Variants in CARS1 observed in about 807,000 individuals in gnomAD.
CARS1 encodes the protein cysteine--tRNA ligase, cytoplasmic.
CARS1 carries 48 observed loss-of-function variants against 106.2 expected under a neutral mutation model. The observed-to-expected ratio is 0.45, with a 90% confidence interval of 0.36 to 0.57. CARS1 has a LOEUF of 0.57. Among genes scored for constraint, CARS1 ranks in the 20% least tolerant of loss-of-function variants. The pLI is 0.00. For missense variants in CARS1, 968 were observed against 1,057.2 expected, an observed-to-expected ratio of 0.92 and a Z score of 1.17; for synonymous variants, 409 against 403.4, an observed-to-expected ratio of 1.01 and a Z score of -0.17.
chr11:3,047,701 T>C, intron 2 of CARS1, 52 bp downstream of exon 2: 6 of 1,560,440 alleles, frequency 3.8e-6, no homozygotes, highest in Non-Finnish European at 5.2e-6. Context: ...GAGAAAGCCC[T>C]TGACCTTGGG....
rs1855117644 is a variant in CARS1 at position 3,046,657 on chromosome 11, C to G, written c.274+1096G>C. Reference sequence around the variant, plus strand: ...GGGGGGGCATGTTCCCAATCCCAGGCCCCAACGGAGTCTGGAGAAGCCCCC... The same window carrying G: ...GGGGGGGCATGTTCCCAATCCCAGGGCCCAACGGAGTCTGGAGAAGCCCCC... On this transcript the variant is annotated intron_variant, in intron 2 of 22. Coordinates refer to ENST00000380525, the MANE Select transcript of CARS1 (RefSeq NM_001014437.3). This position sits in a 1 kb window ranked among gnomAD's most constrained non-coding sequence, Gnocchi z 5.8. 6.6e-6 allele frequency among the ~76,000 whole-genome samples: 1 copy of G among 152,166 alleles called. No individual in the cohort carries two copies. Among genetic ancestry groups the G allele is most frequent in the South Asian group, 2.1e-4 (1 of 4,828 alleles).
chr11:3,030,211 G>A lies in CARS1; in HGVS notation c.802-768C>T, dbSNP rs1236831401. 1 of 152,398 alleles carries A rather than the reference G, an allele frequency of 6.6e-6. No individual in the cohort carries two copies. Among genetic ancestry groups the A allele is most frequent in the Non-Finnish European group, 1.5e-5 (1 of 68,248 alleles). 9.4% of individuals were successfully genotyped at this position (152,398 alleles called of 1,614,324 possible). A position where few individuals can be genotyped will look rare whatever the true frequency, so the allele number is the denominator to read the frequency against. On this transcript the variant is annotated intron_variant, in intron 7 of 22. Transcript: ENST00000380525. This position sits in a 1 kb window ranked among gnomAD's most constrained non-coding sequence, Gnocchi z 5.7. Reference sequence around the variant, plus strand: ...GGGGAGGCAAAGAACCAAGGCTGGAGAGAAAAAGTGTAGGAAAATGGCCTG... The same window carrying A: ...GGGGAGGCAAAGAACCAAGGCTGGAAAGAAAAAGTGTAGGAAAATGGCCTG...
chr11:3,034,078 G>A lies in CARS1; in HGVS notation c.801+3972C>T, dbSNP rs977180791. Among the ~76,000 whole-genome samples, 8 of 152,124 alleles carry A rather than the reference G, an allele frequency of 5.3e-5. No homozygotes were observed. The highest frequency in any genetic ancestry group is 2.1e-4 in the South Asian group (1 of 4,826). ...ATTACAGGAACGAGCCACTGCACCT[G>A]GTCTGGGCTGGACAATTTGACCAAC... On this transcript the variant is annotated intron_variant, in intron 7 of 22. Transcript: ENST00000380525. The surrounding 1 kb of genome is among the most constrained non-coding windows in gnomAD (Gnocchi z 6.3).
chr11:3,052,179 G>T lies in CARS1; in HGVS notation c.26-4178C>A, dbSNP rs1384024707. 6.6e-6 allele frequency among the ~76,000 whole-genome samples: 1 copy of T among 152,234 alleles called. No homozygotes were observed. The highest frequency in any genetic ancestry group is 2.4e-5 in the African/African-American group (1 of 41,460). On this transcript the variant is annotated intron_variant, in intron 1 of 22. Coordinates refer to ENST00000380525, the MANE Select transcript of CARS1 (RefSeq NM_001014437.3). The surrounding 1 kb of genome is among the most constrained non-coding windows in gnomAD (Gnocchi z 4.6). The stretch of plus-strand genomic sequence containing the variant: ...AGGAAGCAGTCTGGGAACTGAAGCC[G>T]CTGTGTATCCGCTCTCTGGAGACCT...
At chr11:3,026,834 A>G in intron 9 of CARS1, 37 bp from the exon 10 acceptor site, 2 of 1,593,196 alleles carry the variant, frequency 1.3e-6, no homozygotes, top group Non-Finnish European at 1.7e-6. Flanking sequence ...GGTGCATCTA[A>G]CAGACCCGAA....
At chr11:3,005,502 GC>G in intron 19 of CARS1, 69 bp from the exon 20 acceptor site, 1 of 1,116,946 alleles carries the variant, frequency 9.0e-7, no homozygotes, top group Non-Finnish European at 1.4e-6. Flanking sequence ...GGCCAGCCCT[GC>G]CCTGCCCTGC....
rs1161802643 is a variant in CARS1 at position 3,008,299 on chromosome 11, C to T, written c.2069-1340G>A. On this transcript the variant is annotated intron_variant, in intron 18 of 22. Coordinates refer to ENST00000380525, the MANE Select transcript of CARS1 (RefSeq NM_001014437.3). This position sits in a 1 kb window ranked among gnomAD's most constrained non-coding sequence, Gnocchi z 5.1. The stretch of plus-strand genomic sequence containing the variant: ...CCCTAGAGCTCCTTGCTGGGCACCC[C>T]ACACCTTCATTCACTGCTAGATAAA... The T allele has an allele frequency of 6.6e-6, 1 of 152,388 alleles. No homozygotes were observed. Among genetic ancestry groups the T allele is most frequent in the Non-Finnish European group, 1.5e-5 (1 of 68,172 alleles). 9.4% of individuals were successfully genotyped at this position (152,388 alleles called of 1,614,324 possible). A position where few individuals can be genotyped will look rare whatever the true frequency, so the allele number is the denominator to read the frequency against.
rs1854960359 is a variant in CARS1 at position 3,045,244 on chromosome 11, T to C, written c.274+2509A>G. Among the ~76,000 whole-genome samples, 2 of 151,746 alleles carry C rather than the reference T, an allele frequency of 1.3e-5. No homozygotes were observed. ...CTTCACAGGAGTAGGGACCTGGGGG[T>C]TAAGCAGAGCCTTTCCATTATCTCC... On this transcript the variant is annotated intron_variant, in intron 2 of 22. Coordinates refer to ENST00000380525, the MANE Select transcript of CARS1 (RefSeq NM_001014437.3). This position sits in a 1 kb window ranked among gnomAD's most constrained non-coding sequence, Gnocchi z 5.6.
Position 3,040,980 on chromosome 11 carries a change from A to G in CARS1, c.371T>C (p.Val124Ala), listed in dbSNP as rs1854374643. 1 of 1,614,108 alleles carries G rather than the reference A, an allele frequency of 6.2e-7. No homozygotes were observed. Among genetic ancestry groups the G allele is most frequent in the Non-Finnish European group, 8.5e-7 (1 of 1,179,946 alleles). Residue 124 changes from valine to alanine, a missense_variant, in exon 4 of 23, where the codon GTG (valine) becomes GCG (alanine). Coordinates refer to ENST00000380525, the MANE Select transcript of CARS1 (RefSeq NM_001014437.3). This position sits in a 1 kb window ranked among gnomAD's most constrained non-coding sequence, Gnocchi z 5.8. ...LYNSLTRNKE[V>A]FIPQDGKKVT... Reference sequence around the variant, plus strand: ...CTTTTTCCCATCTTGAGGTATGAACACTTCCTTTGTTAGGAATGAAGGAAT... The same window carrying G: ...CTTTTTCCCATCTTGAGGTATGAACGCTTCCTTTGTTAGGAATGAAGGAAT...
At chr11:3,057,173 ACCCCTCAGACCTCGGGCACTGCCG>A (rs1292802487) in intron 1 of CARS1, among the ~76,000 whole-genome samples, 146 bp downstream of exon 1, 4 of 147,624 alleles carry the variant, frequency 2.7e-5, no homozygotes, top group African/African-American at 1.0e-4. Context: ...GCGCACTGAC[ACCCCTCAGACCTCGGGCACTGCCG>A]CCCCTCAGAC....
chr11:3,015,611 C>G (rs1420543251), intron 17 of CARS1, among the ~76,000 whole-genome samples, 170 bp downstream of exon 17: 1 of 152,204 alleles, frequency 6.6e-6, no homozygotes, highest in African/African-American at 2.4e-5. Flanking sequence ...GGCAGGGCAG[C>G]TGACCACACT....
Position 3,039,855 on chromosome 11 carries a change from T to C in CARS1, c.532A>G (p.Ile178Val). The C allele has an allele frequency of 3.9e-6, 6 of 1,555,680 alleles. No individual in the cohort carries two copies. The highest frequency in any genetic ancestry group is 5.3e-6 in the Non-Finnish European group (6 of 1,139,604). Residue 178 changes from isoleucine to valine, a missense_variant, in exon 5 of 23, where the codon ATT (isoleucine) becomes GTT (valine). Coordinates refer to ENST00000380525, the MANE Select transcript of CARS1 (RefSeq NM_001014437.3). The surrounding 1 kb of genome is among the most constrained non-coding windows in gnomAD (Gnocchi z 5.6). ...TTTACCTTGTCATCAATATCCGTAA[T>C]GTTCATGCAATAAAAGACATCAAAT... The part of the protein sequence containing the change: ...FKFDVFYCMN[I>V]TDIDDKIIKR...
rs773004256 is a variant in CARS1 at position 3,006,830 on chromosome 11, C to G, written c.2149+49G>C. ...GCCCCGGGAGCTCTCCTTGTGACAC[C>G]TCTCCAAGCTCCTGGTAACTTTGTA... On this transcript the variant is annotated intron_variant, in intron 19 of 22. Coordinates refer to ENST00000380525, the MANE Select transcript of CARS1 (RefSeq NM_001014437.3). 6 of 1,453,284 alleles carry G rather than the reference C, an allele frequency of 4.1e-6. No homozygotes were observed. The Admixed American group carries it at 1.0e-4, about 24-fold the overall frequency. 90.0% of individuals were successfully genotyped at this position (1,453,284 alleles called of 1,614,324 possible). A position where few individuals can be genotyped will look rare whatever the true frequency, so the allele number is the denominator to read the frequency against.
At chr11:3,049,607 C>T (rs533739796) in intron 1 of CARS1, among the ~76,000 whole-genome samples, 113 of 152,348 alleles carry the variant, frequency 7.4e-4, no homozygotes, top group Non-Finnish European at 1.5e-3. Context: ...CCGATGCTTG[C>T]TCCTTCCAGA....
At chr11:3,014,463 TG>T (rs1194189647) in intron 17 of CARS1, among the ~76,000 whole-genome samples, 5 of 152,238 alleles carry the variant, frequency 3.3e-5, no homozygotes, top group African/African-American at 7.2e-5. Context: ...TGAGGCTGCC[TG>T]GGGGATGCGG....
rs1855909088 is a variant in CARS1 at position 3,053,702 on chromosome 11, T to C, written c.25+3641A>G. ...ACCAGAGACCTGCCAAATCAGAATC[T>C]CTGGGGTGGGCCCAGCAAGTGAGGT... On this transcript the variant is annotated intron_variant, in intron 1 of 22. Transcript: ENST00000380525. This position sits in a 1 kb window ranked among gnomAD's most constrained non-coding sequence, Gnocchi z 6.6. 6.6e-6 allele frequency among the ~76,000 whole-genome samples: 1 copy of C among 152,088 alleles called. No individual in the cohort carries two copies. Among genetic ancestry groups the C allele is most frequent in the South Asian group, 2.1e-4 (1 of 4,824 alleles).
In CARS1 at chr11:3,018,537, C is replaced by A. The variant is rs369480020; in HGVS notation, c.1526-26G>T. The stretch of plus-strand genomic sequence containing the variant: ...CTGTGGGGGGACACAAGACAGCCAA[C>A]GCCCTTATTCTCCCGAGTGCTACAG... On this transcript the variant is annotated intron_variant, in intron 13 of 22. Transcript: ENST00000380525. 50 of 1,611,910 alleles carry A rather than the reference C, an allele frequency of 3.1e-5. 1 individual carries two copies. The Admixed American group carries it at 7.5e-4, about 24-fold the overall frequency.
rs918364170 is a variant in CARS1 at position 3,022,737 on chromosome 11, G to A, written c.1154-2405C>T. Among the ~76,000 whole-genome samples, 2 of 152,150 alleles carry A rather than the reference G, an allele frequency of 1.3e-5. No individual in the cohort carries two copies. Among genetic ancestry groups the A allele is most frequent in the African/African-American group, 4.8e-5 (2 of 41,414 alleles). ...TCCCTGCACTAGGCCTTCCTGCCACGTGCCTTCCCGAGTGGTCTGCATGGC... is the reference window on the plus strand; with the variant it reads ...TCCCTGCACTAGGCCTTCCTGCCACATGCCTTCCCGAGTGGTCTGCATGGC... On this transcript the variant is annotated intron_variant, in intron 10 of 22. Coordinates refer to ENST00000380525, the MANE Select transcript of CARS1 (RefSeq NM_001014437.3). This position sits in a 1 kb window ranked among gnomAD's most constrained non-coding sequence, Gnocchi z 4.9.
Position 3,048,185 on chromosome 11 carries a change from G to T in CARS1, c.26-184C>A, listed in dbSNP as rs1483283334. Among the ~76,000 whole-genome samples, 1 of 152,220 alleles carries T rather than the reference G, an allele frequency of 6.6e-6. No homozygotes were observed. The highest frequency in any genetic ancestry group is 1.9e-4 in the East Asian group (1 of 5,200). Reference sequence around the variant, plus strand: ...GCGCTTCGACTGGGGGCGAGGGAGTGACTGCCTGACAGGTATGGATGGGTT... The same window carrying T: ...GCGCTTCGACTGGGGGCGAGGGAGTTACTGCCTGACAGGTATGGATGGGTT... On this transcript the variant is annotated intron_variant, in intron 1 of 22. Transcript: ENST00000380525. The surrounding 1 kb of genome is among the most constrained non-coding windows in gnomAD (Gnocchi z 5.1).
Sources: allele counts gnomAD v4.1 joint callset (sites outside exome capture counted in the v4.1 genomes callset), GRCh38; gene constraint gnomAD v4.1.1; non-coding constraint Gnocchi (gnomAD v3.1); transcripts MANE v1.5; gene names NCBI Gene and HGNC (gene_info 2026-07-23, HGNC 2026-07-21).